ERLEC1: variants seen among roughly 807,000 people sequenced by gnomAD.
The protein encoded by ERLEC1 is ER lectin.
Under a neutral mutation model 68.0 loss-of-function variants are expected in ERLEC1, and 47 were observed. That is an observed-to-expected ratio of 0.69 (90% CI 0.55 to 0.88). The LOEUF (loss-of-function observed/expected upper bound fraction) is 0.88. ERLEC1 is among the 40% of genes least tolerant of loss of function. The probability of loss-of-function intolerance (pLI) is 0.00; values close to 1 mark genes in which losing one functional copy is unlikely to be tolerated. For missense variants in ERLEC1, 567 were observed against 583.8 expected (o/e 0.97, Z 0.30); for synonymous variants, 225 against 203.2 (o/e 1.11, Z -0.91).
intron 6 of ERLEC1, among the ~76,000 whole-genome samples, chr2:53,800,116 T>TA (rs1210378733): frequency 6.6e-6 from 1 of 152,132 alleles, no homozygotes; most frequent in Non-Finnish European, 1.5e-5. Context: ...TTATGAGAAT[T>TA]ATGTGGTTAC....
intron 10 of ERLEC1, among the ~76,000 whole-genome samples, chr2:53,810,070 A>G (rs1676508393): frequency 6.6e-6 from 1 of 152,208 alleles, no homozygotes; most frequent in African/African-American, 2.4e-5. Flanking sequence ...AGACTCCTCA[A>G]AAAACCAAAC....
At chr2:53,814,768 TC>T in intron 12 of ERLEC1, 91 bp from the exon 13 acceptor site, 1 of 1,031,280 alleles carries the variant, frequency 9.7e-7, no homozygotes, top group Non-Finnish European at 1.5e-6. Flanking sequence ...TCATACAGGG[TC>T]CACTTGAGTG....
At chr2:53,802,926 C>A (rs866482254) in intron 8 of ERLEC1, among the ~76,000 whole-genome samples, 1 of 152,130 alleles carries the variant, frequency 6.6e-6, no homozygotes, top group African/African-American at 2.4e-5. Context: ...TTGTTTTCTT[C>A]TTCTCTTGCG....
At chr2:53,808,732 G>C (rs1676433191) in intron 9 of ERLEC1, among the ~76,000 whole-genome samples, 1 of 152,180 alleles carries the variant, frequency 6.6e-6, no homozygotes, top group Admixed American at 6.5e-5. Context: ...GAATGAGCAT[G>C]TGATTGTATA....
intron 8 of ERLEC1, among the ~76,000 whole-genome samples, chr2:53,805,311 C>T (rs770472730): frequency 1.1e-4 from 17 of 152,182 alleles, no homozygotes; most frequent in Non-Finnish European, 2.4e-4. Flanking sequence ...CATGAGCCAC[C>T]GCACCCAGCT....
chr2:53,809,418 T>C (rs1291380749), intron 10 of ERLEC1, 145 bp downstream of exon 10: 1 of 601,250 alleles, frequency 1.7e-6, no homozygotes, highest in African/African-American at 2.0e-5. Context: ...CTCCAAATTT[T>C]GGAAAATGGA....
chr2:53,792,362 A>G (rs912942872), intron 1 of ERLEC1, among the ~76,000 whole-genome samples: 13 of 152,056 alleles, frequency 8.5e-5, no homozygotes, highest in Admixed American at 8.5e-4. Context: ...TCAAGTCTGC[A>G]TAGTAATCTA....
chr2:53,809,501 A>G (rs1380626964), intron 10 of ERLEC1, among the ~76,000 whole-genome samples: 7 of 152,220 alleles, frequency 4.6e-5, no homozygotes, highest in East Asian at 1.9e-4. Context: ...TTCTATTACT[A>G]TGAGCCTAGT....
intron 8 of ERLEC1, among the ~76,000 whole-genome samples, chr2:53,803,964 AC>A (rs1355383679): frequency 6.6e-6 from 1 of 152,056 alleles, no homozygotes; most frequent in Non-Finnish European, 1.5e-5. Context: ...CCCCATCTCT[AC>A]TAAAAATACA....
intron 1 of ERLEC1, among the ~76,000 whole-genome samples, chr2:53,793,448 T>C (rs896218131): frequency 6.6e-6 from 1 of 152,204 alleles, no homozygotes; most frequent in Non-Finnish European, 1.5e-5. Flanking sequence ...CCGTATTTGT[T>C]TACATATTGT....
In ERLEC1 at chr2:53,809,102, A is replaced by C. The variant is rs184928817; in HGVS notation, c.1042-112A>C. On this transcript the variant is annotated intron_variant, in intron 9 of 13. Transcript: ENST00000185150. ...ATGTTTTCTTTTAATATTCAACCATACTATTGCTTTTACAGGTTTTAAAAA... is the reference window on the plus strand; with the variant it reads ...ATGTTTTCTTTTAATATTCAACCATCCTATTGCTTTTACAGGTTTTAAAAA... The C allele has an allele frequency of 1.9e-4, 135 of 726,772 alleles. 1 individual carries two copies. The African/African-American group carries it at 2.4e-3, about 13-fold the overall frequency. 45.0% of individuals were successfully genotyped at this position (726,772 alleles called of 1,614,324 possible).
intron 8 of ERLEC1, 96 bp from the exon 9 acceptor site, chr2:53,808,203 A>G: frequency 1.5e-6 from 2 of 1,347,360 alleles, no homozygotes; most frequent in Non-Finnish European, 2.0e-6. Context: ...TTATTTTTCA[A>G]ATTTTCTGCA....
intron 11 of ERLEC1, among the ~76,000 whole-genome samples, chr2:53,813,382 C>A (rs1284200994): frequency 6.6e-6 from 1 of 151,984 alleles, no homozygotes; most frequent in Non-Finnish European, 1.5e-5. Flanking sequence ...ATTATTGTGT[C>A]ATTTAAGAGG....
chr2:53,802,754 C>T (rs370602726), intron 8 of ERLEC1, among the ~76,000 whole-genome samples: 4 of 152,244 alleles, frequency 2.6e-5, no homozygotes, highest in South Asian at 2.1e-4. Flanking sequence ...AAAAGTACCG[C>T]GGAGTTTTGC....
At chr2:53,806,997 C>T (rs1466004702) in intron 8 of ERLEC1, among the ~76,000 whole-genome samples, 1 of 152,178 alleles carries the variant, frequency 6.6e-6, no homozygotes, top group Non-Finnish European at 1.5e-5. Context: ...GTTACTGTAA[C>T]TCCTAACTTG....
intron 1 of ERLEC1, among the ~76,000 whole-genome samples, chr2:53,793,161 C>T (rs1226226811): frequency 6.6e-6 from 1 of 152,150 alleles, no homozygotes; most frequent in African/African-American, 2.4e-5. Context: ...GAACATGTGT[C>T]ATAAAACACA....
chr2:53,806,027 C>T (rs1485916043), intron 8 of ERLEC1, among the ~76,000 whole-genome samples: 3 of 152,158 alleles, frequency 2.0e-5, no homozygotes, highest in Non-Finnish European at 4.4e-5. Flanking sequence ...ATCTGTTAAA[C>T]GTAACTTTTC....
chr2:53,796,383 CA>C (rs923271922), intron 3 of ERLEC1, among the ~76,000 whole-genome samples: 1 of 151,470 alleles, frequency 6.6e-6, no homozygotes, highest in African/African-American at 2.4e-5. Context: ...TGAGAACATA[CA>C]GTATTTGGTT....
In ERLEC1 at chr2:53,815,401, T is replaced by C. The variant is rs149748662; in HGVS notation, c.1380+466T>C. On this transcript the variant is annotated intron_variant, in intron 13 of 13. Transcript: ENST00000185150. ...CATACCACTCATGTAATAGTTGACA[T>C]GGTTTTTCTTGACATTTTTTATTGA... Among the ~76,000 whole-genome samples, 16 of 152,328 alleles carry C rather than the reference T, an allele frequency of 1.1e-4. 1 individual carries two copies. In the East Asian group the frequency reaches 3.1e-3, roughly 29 times the overall value.
Sources: gnomAD v4.1 joint callset for allele counts (sites outside exome capture counted in the v4.1 genomes callset) on GRCh38, gnomAD v4.1.1 for gene constraint, MANE v1.5 for transcripts, NCBI Gene and HGNC (gene_info 2026-07-23, HGNC 2026-07-21) for gene names.